The following TUBGCP2 variants were observed in gnomAD, a reference collection of about 807,000 sequenced individuals.
TUBGCP2 encodes gamma-tubulin complex component 2.
Under a neutral mutation model 92.2 loss-of-function variants are expected in TUBGCP2, and 55 were observed. The observed-to-expected ratio is 0.60, with a 90% CI of 0.48 to 0.75. The LOEUF (loss-of-function observed/expected upper bound fraction) is 0.75, where lower values mean the gene tolerates loss of function less well. TUBGCP2 is among the 30% of genes least tolerant of loss of function. The pLI, the probability that TUBGCP2 is intolerant of heterozygous loss-of-function variation, is 0.00. For synonymous variants in TUBGCP2, 533 were observed against 505.2 expected (o/e 1.06, Z -0.74); for missense variants, 1,093 against 1,188.9 (o/e 0.92, Z 1.19).
At chr10:133,301,700 C>CTTTTTTTTTTTTTTTTT (rs71016439) in intron 2 of TUBGCP2, 1 of 87,214 alleles carries the variant, frequency 1.1e-5, no homozygotes, top group Non-Finnish European at 2.1e-5. Context: ...CAGTCCCTCC[C>CTTTTTTTTTTTTTTTTT]TTTTTTTTTT....
upstream of TUBGCP2, chr10:133,310,243 T>C: frequency 3.1e-6 from 5 of 1,614,048 alleles, no homozygotes; most frequent in African/African-American, 1.3e-5. Flanking sequence ...AGGATGCACC[T>C]GTACCCCGCG....
chr10:133,279,774 C>G lies in TUBGCP2; in HGVS notation c.2701G>C (p.Ala901Pro), dbSNP rs1374992751. The change falls in exon 18 of 18, where the codon GCA becomes CCA. Residue 901 changes from alanine (A) to proline (P), a missense_variant. Physicochemically the swap from Ala to Pro is conservative, Grantham distance 27 (BLOSUM62 -1). This residue lies in a region of TUBGCP2 where 598 missense variants were observed against 675.5 expected (regional missense o/e 0.89). Transcript: ENST00000252936. ...CCTGTCACAGCCAGGGCTCACTGTGCGGTGACTGCGACCCTGGGTGCAGGA... is the reference window on the plus strand; with the variant it reads ...CCTGTCACAGCCAGGGCTCACTGTGGGGTGACTGCGACCCTGGGTGCAGGA... ...PAPAPRVAVT[A>P]Q is the part of the protein sequence containing the mutation. 6.4e-7 allele frequency: 1 copy of G among 1,558,048 alleles called. No homozygotes were observed. Among genetic ancestry groups the G allele is most frequent in the Admixed American group, 1.9e-5 (1 of 51,818 alleles).
chr10:133,302,654 T>A, intron 2 of TUBGCP2, 138 bp downstream of exon 2: 3 of 1,038,782 alleles, frequency 2.9e-6, no homozygotes, highest in Non-Finnish European at 4.1e-6. Flanking sequence ...CACCCAGGAA[T>A]GGTGCTCACC....
chr10:133,280,487 C>T (rs1317217146), intron 17 of TUBGCP2, among the ~76,000 whole-genome samples: 1 of 152,232 alleles, frequency 6.6e-6, no homozygotes, highest in African/African-American at 2.4e-5. Flanking sequence ...GTTTGGCCAC[C>T]TGGCCCTTTC....
At chr10:133,294,694 C>A (rs530872783) in intron 5 of TUBGCP2, among the ~76,000 whole-genome samples, 1 of 152,188 alleles carries the variant, frequency 6.6e-6, no homozygotes, top group South Asian at 2.1e-4. Flanking sequence ...CAGCTCACTG[C>A]AGCCTTGAGC....
In TUBGCP2 at chr10:133,283,159, G is replaced by C; in HGVS notation, c.2208C>G (p.Asp736Glu). 1 of 1,614,260 alleles carries C rather than the reference G, an allele frequency of 6.2e-7. No homozygotes were observed. The highest frequency in any genetic ancestry group is 8.5e-7 in the Non-Finnish European group (1 of 1,180,052). Residue 736 changes from aspartate to glutamate, a missense_variant, in exon 15 of 18, where the codon GAC becomes GAG. Asp to Glu is a conservative substitution (Grantham distance 45). Transcript: ENST00000252936. ...GCAGCTCGGGGTTGGTGAGCATGCA[G>C]TCCTTCAGGCAGGTGTCCAGGAAGC... ...HTGFLDTCLK[D>E]CMLTNPELLK...
Position 133,292,543 on chromosome 10 carries a change from A to T in TUBGCP2, c.1170T>A (p.Val390=). 1.9e-6 allele frequency: 3 copies of T among 1,613,948 alleles called. No individual in the cohort carries two copies. The highest frequency in any genetic ancestry group is 2.5e-6 in the Non-Finnish European group (3 of 1,179,960). ...TGCCCCTGTAGATCCACTTCTCCAG[A>T]ACCTCGAAGTAGGGAGCACTGGCCG... is the stretch of plus-strand genomic sequence containing the variant. ...TKAASAPYFE[V]LEKWIYRGII... Residue 390 remains valine (V), a synonymous_variant, in exon 8 of 18, where the codon GTT becomes GTA. Coordinates refer to ENST00000252936, the MANE Select transcript of TUBGCP2 (RefSeq NM_006659.4).
Position 133,285,173 on chromosome 10 carries a change from A to ACATGTGCCTGAAGAGCATCTGGCTCTT in TUBGCP2, c.1935_1936insAAGAGCCAGATGCTCTTCAGGCACATG (p.Met645_Phe646insLysSerGlnMetLeuPheArgHisMet), listed in dbSNP as rs765366378. Reference sequence around the variant, plus strand: ...TGCCGCTCCACGTGCTTGCAGTAGAACATGTGCCTGAAGAGCATCTGGTAG... The same window carrying ACATGTGCCTGAAGAGCATCTGGCTCTT: ...TGCCGCTCCACGTGCTTGCAGTAGAACATGTGCCTGAAGAGCATCTGGCTCTTCATGTGCCTGAAGAGCATCTGGTAG... On this transcript the variant is annotated inframe_insertion, in exon 13 of 18. Transcript: ENST00000252936. The surrounding 1 kb of genome is among the most constrained non-coding windows in gnomAD (Gnocchi z 6.8). The ACATGTGCCTGAAGAGCATCTGGCTCTT allele has an allele frequency of 1.5e-5, 25 of 1,613,322 alleles. No homozygotes were observed. In the South Asian group the frequency reaches 2.7e-4, roughly 18 times the overall value.
chr10:133,282,130 G>C lies in TUBGCP2; in HGVS notation c.2409+93C>G, dbSNP rs548307033. ...ATCTGAGGGGAGATGGAAGTAAAAG[G>C]GGGGAGGTTTGTTCTCCCTGCGTCA... On this transcript the variant is annotated intron_variant, in intron 16 of 17. Transcript: ENST00000252936. 2,641 of 1,576,182 alleles carry C rather than the reference G, an allele frequency of 1.7e-3. 5 individuals carry two copies. The highest frequency in any genetic ancestry group is 1.9e-3 in the Non-Finnish European group (2,246 of 1,164,130).
intron 5 of TUBGCP2, 44 bp downstream of exon 5, chr10:133,297,908 T>C (rs765298789): frequency 6.2e-7 from 1 of 1,604,746 alleles, no homozygotes; most frequent in Non-Finnish European, 8.5e-7. Context: ...AATCAACGCA[T>C]CACGTACCTA....
intron 2 of TUBGCP2, chr10:133,300,446 A>T (rs539615727): frequency 4.2e-6 from 1 of 237,616 alleles, no homozygotes; most frequent in Non-Finnish European, 8.5e-6. Flanking sequence ...GCGTGGTGGC[A>T]CTTGCCTGTG....
At chr10:133,311,245 T>C (rs533828932), upstream of TUBGCP2, among the ~76,000 whole-genome samples, 13 of 152,202 alleles carry the variant, frequency 8.5e-5, no homozygotes, top group Non-Finnish European at 1.9e-4. Flanking sequence ...ATAAAAGAAC[T>C]GGGAGAACCC....
Position 133,283,098 on chromosome 10 carries a change from T to C in TUBGCP2, c.2269A>G (p.Met757Val). Residue 757 changes from methionine (M) to valine (V), a missense_variant, in exon 15 of 18, where the codon ATG becomes GTG. Physicochemically the swap from Met to Val is conservative, Grantham distance 21 (BLOSUM62 1). This residue lies in a region of TUBGCP2 where 598 missense variants were observed against 675.5 expected (regional missense o/e 0.89). Transcript: ENST00000252936. Reference protein sequence around the residue: ...VFSKLMSVCVMFTNCMQKFTQ... With the variant: ...VFSKLMSVCVVFTNCMQKFTQ... The stretch of plus-strand genomic sequence containing the variant: ...CGCACCTGCATGCAGTTGGTGAACA[T>C]GACGCACACAGACATGAGCTTGGAG... The C allele has an allele frequency of 1.2e-6, 2 of 1,614,162 alleles. No individual in the cohort carries two copies. Among genetic ancestry groups the C allele is most frequent in the Admixed American group, 1.7e-5 (1 of 60,034 alleles).
At position 133,300,086 on chromosome 10, in the gene TUBGCP2, G is replaced by A; in HGVS notation, c.178C>T (p.Pro60Ser). 1.2e-6 allele frequency: 2 copies of A among 1,613,906 alleles called. No homozygotes were observed. Among genetic ancestry groups the A allele is most frequent in the Non-Finnish European group, 1.7e-6 (2 of 1,179,922 alleles). ...KVKIAEFSRT[P>S]EDFLKKYDEL... is the part of the protein sequence containing the mutation. ...TCATATTTCTTTAGAAAGTCTTCTG[G>A]AGTACGAGAAAACTCTGCAATTTTA... Residue 60 changes from proline to serine, a missense_variant, in exon 3 of 18, where the codon CCA (proline) becomes TCA (serine). Around this residue, in one of 3 missense-constraint regions of TUBGCP2, gnomAD observed 490 missense variants for 488.5 expected, o/e 1.00. Transcript: ENST00000252936.
At chr10:133,299,713 A>G (rs1038490789) in intron 3 of TUBGCP2, 110 bp from the exon 4 acceptor site, 3 of 1,006,176 alleles carry the variant, frequency 3.0e-6, no homozygotes, top group African/African-American at 1.6e-5. Flanking sequence ...ACAGGCACCC[A>G]TTAATAGCAA....
In TUBGCP2 at chr10:133,288,831, C is replaced by A. The variant is rs2275717; in HGVS notation, c.1541+9G>T. On this transcript the variant is annotated intron_variant, in intron 10 of 17. Coordinates refer to ENST00000252936, the MANE Select transcript of TUBGCP2 (RefSeq NM_006659.4). ...TGAGTGCCCGCACAGGGACAGGGCA[C>A]GGAATCACCTGAGGTGAGCCACCAG... 1.2e-6 allele frequency: 2 copies of A among 1,600,414 alleles called. No individual in the cohort carries two copies. Among genetic ancestry groups the A allele is most frequent in the African/African-American group, 2.7e-5 (2 of 74,598 alleles).
Position 133,288,323 on chromosome 10 carries a change from C to A in TUBGCP2, c.1542-14G>T. On this transcript the variant is annotated splice_polypyrimidine_tract_variant and intron_variant, in intron 10 of 17. Coordinates refer to ENST00000252936, the MANE Select transcript of TUBGCP2 (RefSeq NM_006659.4). The stretch of plus-strand genomic sequence containing the variant: ...CGCTTGATGGACCTGCGCCAGGGAG[C>A]AGGCGTGAGCAGGTGCCCACCCGCA... 6.2e-7 allele frequency: 1 copy of A among 1,611,032 alleles called. No individual in the cohort carries two copies. The highest frequency in any genetic ancestry group is 2.2e-5 in the East Asian group (1 of 44,764).
upstream of TUBGCP2, chr10:133,311,537 G>A: frequency 3.4e-6 from 2 of 588,558 alleles, no homozygotes; most frequent in Non-Finnish European, 3.0e-6. Context: ...TGGCCTTGCT[G>A]TAATCATTCT....
chr10:133,305,318 AG>A (rs1847783538), intron 1 of TUBGCP2, among the ~76,000 whole-genome samples: 1 of 152,364 alleles, frequency 6.6e-6, no homozygotes, highest in African/African-American at 2.4e-5. Flanking sequence ...GCTACGTAAC[AG>A]GGAAGGGCCC....
Sources: gnomAD v4.1 joint callset for allele counts (sites outside exome capture counted in the v4.1 genomes callset) on GRCh38, gnomAD v4.1.1 for gene constraint, gnomAD v4.1.1 regional missense constraint, Gnocchi (gnomAD v3.1) non-coding constraint, MANE v1.5 for transcripts, NCBI Gene and HGNC (gene_info 2026-07-23, HGNC 2026-07-21) for gene names.